SLC24A2: variants seen among roughly 807,000 people sequenced by gnomAD.
SLC24A2 encodes the protein sodium/potassium/calcium exchanger 2.
SLC24A2 carries 36 observed loss-of-function variants against 62.0 expected under a neutral mutation model. The observed-to-expected ratio is 0.58, with a 90% CI of 0.44 to 0.77. The LOEUF (loss-of-function observed/expected upper bound fraction) is 0.77, where lower values mean the gene tolerates loss of function less well. Among genes scored for constraint, SLC24A2 ranks in the 30% least tolerant of loss-of-function variants. The pLI, the probability that SLC24A2 is intolerant of heterozygous loss-of-function variation, is 0.00. For missense variants in SLC24A2, 846 were observed against 817.9 expected (o/e 1.03, Z -0.42); for synonymous variants, 358 against 294.0 (o/e 1.22, Z -2.23).
chr9:19,762,271 C>T (rs866910584), intron 2 of SLC24A2, among the ~76,000 whole-genome samples: 4 of 152,056 alleles, frequency 2.6e-5, no homozygotes, highest in African/African-American at 4.8e-5. Flanking sequence ...CTGTTCACAC[C>T]GATGATAGTT....
At chr9:19,830,020 A>G in the SLC24A2 span, among the ~76,000 whole-genome samples, 2 of 151,936 alleles carry the variant, frequency 1.3e-5, no homozygotes, top group Non-Finnish European at 2.9e-5. Context: ...ATATCAGCCT[A>G]CTTGGCTCCC....
chr9:19,832,015 T>G, the SLC24A2 span, among the ~76,000 whole-genome samples: 27 of 152,240 alleles, frequency 1.8e-4, no homozygotes, highest in Non-Finnish European at 2.4e-4. Flanking sequence ...TTTGTTTTGT[T>G]GTTTGTTGTG....
At chr9:19,937,675 T>C in the SLC24A2 span, among the ~76,000 whole-genome samples, 1 of 152,224 alleles carries the variant, frequency 6.6e-6, no homozygotes, top group Non-Finnish European at 1.5e-5. Flanking sequence ...ATCCTAATAA[T>C]TGAGAGACAG....
chr9:20,159,093 A>G, the SLC24A2 span, among the ~76,000 whole-genome samples: 1 of 151,688 alleles, frequency 6.6e-6, no homozygotes, highest in Non-Finnish European at 1.5e-5. Context: ...CATTTTCAAG[A>G]AATTTAAGGA....
chr9:19,992,637 T>C, the SLC24A2 span, among the ~76,000 whole-genome samples: 14 of 152,304 alleles, frequency 9.2e-5, no homozygotes, highest in East Asian at 1.5e-3. Flanking sequence ...CACTGGAGCA[T>C]AGGTTCAGAT....
chr9:20,204,186 C>A, the SLC24A2 span, among the ~76,000 whole-genome samples: 1 of 152,112 alleles, frequency 6.6e-6, no homozygotes, highest in East Asian at 1.9e-4. Flanking sequence ...ACTAGAGAAA[C>A]ACATATATAG....
At chr9:20,048,861 T>C in the SLC24A2 span, among the ~76,000 whole-genome samples, 1 of 151,498 alleles carries the variant, frequency 6.6e-6, no homozygotes, top group African/African-American at 2.4e-5. Context: ...CCCCATCCTA[T>C]TTTTAACTAT....
the SLC24A2 span, among the ~76,000 whole-genome samples, chr9:19,794,174 T>G: frequency 6.6e-6 from 1 of 152,230 alleles, no homozygotes; most frequent in Non-Finnish European, 1.5e-5. Flanking sequence ...TCTTATTCAC[T>G]TACGAGGTAA....
chr9:19,797,524 G>A, the SLC24A2 span, among the ~76,000 whole-genome samples: 5 of 152,084 alleles, frequency 3.3e-5, no homozygotes, highest in Admixed American at 6.5e-5. Context: ...TTACTGTAGA[G>A]TAATCAAGTG....
At chr9:19,531,071 G>A (rs934127971) in intron 8 of SLC24A2, among the ~76,000 whole-genome samples, 1 of 152,186 alleles carries the variant, frequency 6.6e-6, no homozygotes, top group Non-Finnish European at 1.5e-5. Context: ...CATCAGGGAA[G>A]TAGAAACTAG....
At chr9:19,942,175 GT>G in the SLC24A2 span, among the ~76,000 whole-genome samples, 4 of 152,092 alleles carry the variant, frequency 2.6e-5, no homozygotes, top group African/African-American at 9.7e-5. Context: ...TAAATATCTT[GT>G]TTAGTAATTT....
the SLC24A2 span, among the ~76,000 whole-genome samples, chr9:20,186,073 A>G: frequency 6.6e-6 from 1 of 152,060 alleles, no homozygotes; most frequent in Non-Finnish European, 1.5e-5. Context: ...TGCCATGATG[A>G]GGCTTCCTTA....
chr9:19,681,492 G>A (rs949925490), intron 2 of SLC24A2, among the ~76,000 whole-genome samples: 1 of 151,982 alleles, frequency 6.6e-6, no homozygotes, highest in African/African-American at 2.4e-5. Flanking sequence ...ATCTCCACAA[G>A]GGCAGGGAAC....
At chr9:20,199,915 GA>G in the SLC24A2 span, among the ~76,000 whole-genome samples, 1 of 130,536 alleles carries the variant, frequency 7.7e-6, no homozygotes, top group African/African-American at 3.0e-5. Flanking sequence ...TATTTTTATA[GA>G]GACAGGGTTT....
chr9:19,970,844 T>C, the SLC24A2 span, among the ~76,000 whole-genome samples: 173 of 152,324 alleles, frequency 1.1e-3, 4 homozygotes, highest in East Asian at 0.031. Flanking sequence ...CTTGGCTTGA[T>C]AGACAGTCCT....
the SLC24A2 span, among the ~76,000 whole-genome samples, chr9:20,307,777 G>A: frequency 6.6e-6 from 1 of 152,122 alleles, no homozygotes; most frequent in Non-Finnish European, 1.5e-5. Flanking sequence ...CCGGGACTCG[G>A]TCCCTGACCA....
intron 2 of SLC24A2, 106 bp downstream of exon 2, chr9:19,785,831 A>C (rs1307688613): frequency 2.4e-5 from 35 of 1,438,556 alleles, no homozygotes; most frequent in Middle Eastern, 1.7e-4. Context: ...TGCTATCCAC[A>C]AGAGCCCCAA....
At position 19,510,339 on chromosome 9, in the gene SLC24A2, G is replaced by T. The variant is rs936475318; in HGVS notation, c.*5814C>A. 1 of 142,248 alleles carries T rather than the reference G, an allele frequency of 7.0e-6. No individual in the cohort carries two copies. The highest frequency in any genetic ancestry group is 1.5e-5 in the Non-Finnish European group (1 of 66,604). 8.8% of individuals were successfully genotyped at this position (142,248 alleles called of 1,614,324 possible). A position where few individuals can be genotyped will look rare whatever the true frequency, so the allele number is the denominator to read the frequency against. On this transcript the variant is annotated 3_prime_UTR_variant, in exon 11 of 11. Coordinates refer to ENST00000341998, the MANE Select transcript of SLC24A2 (RefSeq NM_020344.4). ...TTAAAGACTCAAATAAAAATCTAAA[G>T]ATAATTTTAATTGAAAATAGGTAAA...
intron 2 of SLC24A2, among the ~76,000 whole-genome samples, chr9:19,774,253 T>C (rs112905388): frequency 5.3e-4 from 81 of 152,250 alleles, no homozygotes; most frequent in Non-Finnish European, 1.0e-3. Context: ...TTTAATCTCA[T>C]CAAAAATTCA....
Sources: allele counts gnomAD v4.1 joint callset (sites outside exome capture counted in the v4.1 genomes callset), GRCh38; gene constraint gnomAD v4.1.1; transcripts MANE v1.5; gene names NCBI Gene and HGNC (gene_info 2026-07-23, HGNC 2026-07-21).